The following KLHL28 variants were observed in gnomAD, a reference collection of about 807,000 sequenced individuals.
KLHL28 encodes kelch like family member 28.
KLHL28 carries 22 observed loss-of-function variants against 48.3 expected under a neutral mutation model. The ratio of observed to expected loss-of-function variants is 0.46; its 90% CI spans 0.33 to 0.65. The LOEUF is 0.65. KLHL28 is among the 30% of genes least tolerant of loss of function. The pLI is 0.03. For missense variants in KLHL28, 527 were observed against 704.3 expected, an observed-to-expected ratio of 0.75 and a Z score of 2.85; for synonymous variants, 243 against 242.4, an observed-to-expected ratio of 1.00 and a Z score of -0.02.
chr14:44,945,699 T>C lies in KLHL28; in HGVS notation c.230A>G (p.Glu77Gly). Residue 77 changes from glutamate (E) to glycine (G), a missense_variant, in exon 2 of 5, where the codon GAG (glutamate) becomes GGG (glycine). Physicochemically the swap from Glu to Gly is moderately conservative, Grantham distance 98. Coordinates refer to ENST00000396128, the MANE Select transcript of KLHL28 (RefSeq NM_017658.5). ...NLSEKENSEV[E>G]FQCIDETALQ... Reference sequence around the variant, plus strand: ...AGCAGTTTCATCAATGCATTGAAACTCAACCTCACTGTTCTCTTTTTCAGA... The same window carrying C: ...AGCAGTTTCATCAATGCATTGAAACCCAACCTCACTGTTCTCTTTTTCAGA... 6.2e-7 allele frequency: 1 copy of C among 1,614,162 alleles called. No homozygotes were observed.
chr14:44,940,589 C>G (rs966746387), intron 2 of KLHL28, among the ~76,000 whole-genome samples: 7 of 152,250 alleles, frequency 4.6e-5, no homozygotes, highest in African/African-American at 1.7e-4. Context: ...AGCAGGCCTC[C>G]TCTCTTAATT....
At chr14:44,953,112 T>C (rs1047218024) in intron 1 of KLHL28, among the ~76,000 whole-genome samples, 1 of 152,094 alleles carries the variant, frequency 6.6e-6, no homozygotes, top group Non-Finnish European at 1.5e-5. Flanking sequence ...TAAGGAAAAA[T>C]AGATCAATGG....
chr14:44,934,602 G>T, intron 2 of KLHL28, 44 bp from the exon 3 acceptor site: 1 of 1,394,758 alleles, frequency 7.2e-7, no homozygotes, highest in South Asian at 1.5e-5. Flanking sequence ...AAACCAAAGT[G>T]GCCCATAAAG....
intron 3 of KLHL28, among the ~76,000 whole-genome samples, chr14:44,933,905 G>A (rs1404017408): frequency 6.6e-6 from 1 of 152,128 alleles, no homozygotes; most frequent in African/African-American, 2.4e-5. Flanking sequence ...TATAGTGAAT[G>A]AATGTAAAAT....
At chr14:44,932,771 T>C (rs944854306) in intron 3 of KLHL28, among the ~76,000 whole-genome samples, 15 of 152,198 alleles carry the variant, frequency 9.9e-5, no homozygotes, top group African/African-American at 3.6e-4. Context: ...ATCTTACAAA[T>C]TTTGGGCAGA....
intron 1 of KLHL28, among the ~76,000 whole-genome samples, chr14:44,951,347 T>C (rs183879350): frequency 6.6e-6 from 1 of 152,210 alleles, no homozygotes; most frequent in African/African-American, 2.4e-5. Flanking sequence ...AAGCCACGGA[T>C]AAGCTGCAGT....
chr14:44,958,029 G>A lies in KLHL28; in HGVS notation c.-1+3817C>T, dbSNP rs1884865115. Among the ~76,000 whole-genome samples the A allele has an allele frequency of 2.0e-5, 3 of 148,476 alleles. No homozygotes were observed. The South Asian group carries it at 6.4e-4, about 32-fold the overall frequency. ...GCCTTCCAGTATTTGCCTAAAAGCA[G>A]ATTTGGTATATCAGGTTCCTCCATA... On this transcript the variant is annotated intron_variant, in intron 1 of 4. Transcript: ENST00000396128.
chr14:44,945,050 T>G lies in KLHL28; in HGVS notation c.879A>C (p.Gly293=). ...KVLCAVGGKS[G]LFACLDSVEM... ...TTTACCTATCCAAACAGGCAAAGAG[T>G]CCAGATTTCCCTCCTACTGCACAAA... The change falls in exon 2 of 5, where the codon GGA becomes GGC. Residue 293 remains glycine, a synonymous_variant. Transcript: ENST00000396128. The G allele has an allele frequency of 6.2e-7, 1 of 1,604,756 alleles. No individual in the cohort carries two copies. The highest frequency in any genetic ancestry group is 1.1e-5 in the South Asian group (1 of 90,718).
At chr14:44,933,409 C>T (rs1883670410) in intron 3 of KLHL28, among the ~76,000 whole-genome samples, 1 of 151,448 alleles carries the variant, frequency 6.6e-6, no homozygotes, top group South Asian at 2.1e-4. Flanking sequence ...CTCCTGGGCT[C>T]AAGCAATCCT....
intron 1 of KLHL28, among the ~76,000 whole-genome samples, chr14:44,952,581 G>A (rs565888629): frequency 6.6e-6 from 1 of 152,206 alleles, no homozygotes; most frequent in African/African-American, 2.4e-5. Context: ...GGAGTGCAAT[G>A]GCCACTCAAA....
chr14:44,940,330 T>C (rs1368317064), intron 2 of KLHL28, among the ~76,000 whole-genome samples: 5 of 152,192 alleles, frequency 3.3e-5, no homozygotes, highest in Admixed American at 6.5e-5. Context: ...ATTTAAACTA[T>C]AGCAGAGGGC....
chr14:44,934,901 T>C (rs1566564317), intron 2 of KLHL28, among the ~76,000 whole-genome samples: 1 of 152,178 alleles, frequency 6.6e-6, no homozygotes, highest in Non-Finnish European at 1.5e-5. Flanking sequence ...TGCATCTAGA[T>C]AAATATACAC....
intron 1 of KLHL28, among the ~76,000 whole-genome samples, chr14:44,958,189 T>C (rs1313607664): frequency 2.0e-5 from 3 of 151,798 alleles, no homozygotes; most frequent in Non-Finnish European, 4.4e-5. Context: ...AATAAAACTT[T>C]CCATAGTCTA....
In KLHL28 at chr14:44,924,452, T is replaced by C. The variant is rs1255325552; in HGVS notation, c.*4576A>G. ...AAAAAGAATACAATTCTTAACTAGT[T>C]AAATGACACTTTAGTGTGTAAACAT... On this transcript the variant is annotated 3_prime_UTR_variant, in exon 5 of 5. Transcript: ENST00000396128. 1 of 152,636 alleles carries C rather than the reference T, an allele frequency of 6.6e-6. No homozygotes were observed. Among genetic ancestry groups the C allele is most frequent in the African/African-American group, 2.4e-5 (1 of 41,466 alleles). The allele number at this position is 152,636 out of a possible 1,614,324, so 9.5% of individuals were successfully genotyped here. A position where few individuals can be genotyped will look rare whatever the true frequency, so the allele number is the denominator to read the frequency against.
intron 4 of KLHL28, among the ~76,000 whole-genome samples, chr14:44,929,516 C>A (rs986483782): frequency 1.3e-5 from 2 of 152,024 alleles, no homozygotes; most frequent in African/African-American, 4.8e-5. Context: ...TCTCTTACTG[C>A]GCCTAATTTA....
At chr14:44,930,180 A>G (rs1021813268) in intron 4 of KLHL28, among the ~76,000 whole-genome samples, 1 of 152,188 alleles carries the variant, frequency 6.6e-6, no homozygotes, top group Non-Finnish European at 1.5e-5. Flanking sequence ...AGTTCATTTC[A>G]GCTTGTCTTT....
At position 44,925,847 on chromosome 14, in the gene KLHL28, T is replaced by C. The variant is rs1594559993; in HGVS notation, c.*3181A>G. 4 of 152,312 alleles carry C rather than the reference T, an allele frequency of 2.6e-5. No homozygotes were observed. The highest frequency in any genetic ancestry group is 2.0e-4 in the Admixed American group (3 of 15,304). 9.4% of individuals were successfully genotyped at this position (152,312 alleles called of 1,614,324 possible). A position where few individuals can be genotyped will look rare whatever the true frequency, so the allele number is the denominator to read the frequency against. ...ACTTACATTCTATTACAACATCCAA[T>C]GATTATTGAATAGCCAAAGGTGCCT... On this transcript the variant is annotated 3_prime_UTR_variant, in exon 5 of 5. Coordinates refer to ENST00000396128, the MANE Select transcript of KLHL28 (RefSeq NM_017658.5).
chr14:44,956,106 G>A (rs1884784595), intron 1 of KLHL28, among the ~76,000 whole-genome samples: 2 of 152,096 alleles, frequency 1.3e-5, no homozygotes, highest in South Asian at 2.1e-4. Flanking sequence ...GTACTACTGG[G>A]TTTCCAAATA....
chr14:44,931,585 C>T, intron 3 of KLHL28, 44 bp from the exon 4 acceptor site: 1 of 1,478,822 alleles, frequency 6.8e-7, no homozygotes, highest in Non-Finnish European at 9.3e-7. Flanking sequence ...TCTTTTGTGT[C>T]ATTCTTCCTG....
Sources: gnomAD v4.1 joint callset for allele counts (sites outside exome capture counted in the v4.1 genomes callset) on GRCh38, gnomAD v4.1.1 for gene constraint, MANE v1.5 for transcripts, NCBI Gene and HGNC (gene_info 2026-07-23, HGNC 2026-07-21) for gene names.